The following CLIP2 variants were observed in gnomAD, a reference collection of about 807,000 sequenced individuals.
CLIP2 encodes the protein CAP-Gly domain containing linker protein 2.
Under a neutral mutation model 111.7 loss-of-function variants are expected in CLIP2, and 41 were observed. The observed-to-expected ratio is 0.37, with a 90% CI of 0.29 to 0.48. The LOEUF (loss-of-function observed/expected upper bound fraction) is 0.48. CLIP2 is among the 20% of genes least tolerant of loss of function. The pLI, the probability that CLIP2 is intolerant of heterozygous loss-of-function variation, is 0.99. For synonymous variants in CLIP2, 660 were observed against 644.2 expected (o/e 1.02, Z -0.37); for missense variants, 1,160 against 1,422.1 (o/e 0.82, Z 2.96).
intron 3 of CLIP2, among the ~76,000 whole-genome samples, chr7:74,346,485 G>T (rs1171341164): frequency 6.6e-6 from 1 of 151,836 alleles, no homozygotes; most frequent in African/African-American, 2.4e-5. Flanking sequence ...CATTTTGAGA[G>T]GCCAAGGTGG....
At chr7:74,293,978 A>G (rs540158189) in intron 1 of CLIP2, among the ~76,000 whole-genome samples, 70 of 151,228 alleles carry the variant, frequency 4.6e-4, no homozygotes, top group African/African-American at 1.6e-3. Flanking sequence ...GTGCAGTGGC[A>G]TGATCTCAGC....
chr7:74,345,493 G>A (rs552135), intron 3 of CLIP2, among the ~76,000 whole-genome samples: 92,630 of 151,520 alleles, frequency 0.61, 30,266 homozygotes, highest in Middle Eastern at 0.74. Flanking sequence ...TCAGCCTCTT[G>A]AAGTGCTGGT....
chr7:74,337,131 G>A (rs1300127209), intron 2 of CLIP2, among the ~76,000 whole-genome samples: 3 of 151,820 alleles, frequency 2.0e-5, no homozygotes, highest in Admixed American at 6.6e-5. Context: ...CAGGTGATCC[G>A]CCCACCTCAG....
At chr7:74,351,006 A>AAGAAAG (rs71094778) in intron 3 of CLIP2, among the ~76,000 whole-genome samples, 87,010 of 135,344 alleles carry the variant, frequency 0.64, 28,321 homozygotes, top group Middle Eastern at 0.73. Context: ...GAAGGAGAGA[A>AAGAAAG]AGAAAGAAGG....
chr7:74,371,748 A>C (rs1183936197), intron 8 of CLIP2, among the ~76,000 whole-genome samples: 1 of 150,448 alleles, frequency 6.6e-6, no homozygotes, highest in Admixed American at 6.7e-5. Flanking sequence ...AAGGACAAAG[A>C]GGGAGAGGGA....
chr7:74,367,194 A>C (rs1189187303), intron 8 of CLIP2, among the ~76,000 whole-genome samples: 1 of 151,946 alleles, frequency 6.6e-6, no homozygotes, highest in Non-Finnish European at 1.5e-5. Flanking sequence ...GTTTAAAAAA[A>C]ATTTTTTTTT....
intron 1 of CLIP2, among the ~76,000 whole-genome samples, chr7:74,304,972 A>G (rs1419293726): frequency 2.0e-5 from 3 of 152,112 alleles, no homozygotes; most frequent in African/African-American, 7.2e-5. Flanking sequence ...ATGAATGAAT[A>G]AATAAATAAA....
At chr7:74,300,807 G>A (rs539084571) in intron 1 of CLIP2, among the ~76,000 whole-genome samples, 95 of 152,210 alleles carry the variant, frequency 6.2e-4, no homozygotes, top group African/African-American at 2.1e-3. Flanking sequence ...GACATATACC[G>A]CATTTTCTTT....
intron 8 of CLIP2, among the ~76,000 whole-genome samples, chr7:74,366,077 C>T (rs1790464947): frequency 2.0e-5 from 3 of 152,006 alleles, no homozygotes; most frequent in Admixed American, 6.6e-5. Context: ...CACATCTGGC[C>T]CCCACCCATC....
intron 2 of CLIP2, among the ~76,000 whole-genome samples, chr7:74,332,739 C>T (rs911444629): frequency 2.0e-5 from 3 of 152,178 alleles, no homozygotes; most frequent in African/African-American, 4.8e-5. Context: ...CCCTCCCGCT[C>T]CCCCGGGTAC....
chr7:74,360,118 C>A, intron 6 of CLIP2, 57 bp from the exon 7 acceptor site: 1 of 1,442,240 alleles, frequency 6.9e-7, no homozygotes, highest in Non-Finnish European at 9.4e-7. Flanking sequence ...CACCACCAAC[C>A]TGGACCCCAT....
rs1791214478 is a variant in CLIP2 at position 74,389,486 on chromosome 7, G to A, written c.2720+227G>A. The A allele has an allele frequency of 3.1e-5, 12 of 388,938 alleles. No individual in the cohort carries two copies. The South Asian group carries it at 4.7e-4, about 15-fold the overall frequency. The allele number at this position is 388,938 out of a possible 1,614,324, so 24.1% of individuals were successfully genotyped here. ...ATAGAAAAGAGTAGGGCCAGGCACAGTGGCTCATGCCTGTAATCCCAGCAC... is the reference window on the plus strand; with the variant it reads ...ATAGAAAAGAGTAGGGCCAGGCACAATGGCTCATGCCTGTAATCCCAGCAC... On this transcript the variant is annotated intron_variant, in intron 13 of 16. Coordinates refer to ENST00000223398, the MANE Select transcript of CLIP2 (RefSeq NM_003388.5).
At chr7:74,378,374 C>G (rs570896336) in intron 10 of CLIP2, among the ~76,000 whole-genome samples, 202 of 152,132 alleles carry the variant, frequency 1.3e-3, no homozygotes, top group African/African-American at 4.7e-3. Context: ...GCTGTCTGCC[C>G]GCCTTTGCCT....
intron 7 of CLIP2, among the ~76,000 whole-genome samples, chr7:74,361,298 A>G (rs1403537049): frequency 2.7e-5 from 4 of 147,772 alleles, no homozygotes; most frequent in African/African-American, 7.5e-5. Context: ...GCTCACTGCA[A>G]TCTCCACCTC....
At chr7:74,380,605 G>A in intron 10 of CLIP2, 1 of 486,564 alleles carries the variant, frequency 2.1e-6, no homozygotes, top group Non-Finnish European at 3.7e-6. Flanking sequence ...GCTGGGTGCA[G>A]AATGGGGGTC....
intron 2 of CLIP2, among the ~76,000 whole-genome samples, chr7:74,336,726 C>A (rs1471811591): frequency 6.6e-6 from 1 of 151,996 alleles, no homozygotes; most frequent in Non-Finnish European, 1.5e-5. Flanking sequence ...AGGTGAAGCA[C>A]CTGATATCTC....
intron 11 of CLIP2, among the ~76,000 whole-genome samples, chr7:74,384,829 G>A (rs956722768): frequency 2.6e-5 from 4 of 151,660 alleles, no homozygotes; most frequent in Non-Finnish European, 5.9e-5. Context: ...ACTTAGAATC[G>A]GCACATCTAG....
At chr7:74,364,344 A>G (rs1554310364) in intron 8 of CLIP2, 29 bp downstream of exon 8, 6 of 1,597,544 alleles carry the variant, frequency 3.8e-6, no homozygotes, top group Non-Finnish European at 5.1e-6. Context: ...TTCCCTGGGC[A>G]CACTTAGCAC....
At chr7:74,370,164 A>AT in intron 8 of CLIP2, among the ~76,000 whole-genome samples, 1 of 129,714 alleles carries the variant, frequency 7.7e-6, no homozygotes, top group African/African-American at 2.8e-5. Context: ...TCAAAAAAAA[A>AT]AAAAAAAAAA....
Sources: gnomAD v4.1 joint callset for allele counts (sites outside exome capture counted in the v4.1 genomes callset) on GRCh38, gnomAD v4.1.1 for gene constraint, MANE v1.5 for transcripts, NCBI Gene and HGNC (gene_info 2026-07-23, HGNC 2026-07-21) for gene names.